The following SPMIP2 variants were observed in gnomAD, a reference collection of about 807,000 sequenced individuals.
SPMIP2 encodes protein SPMIP2.
chr4:158,923,623 A>G, the SPMIP2 span, among the ~76,000 whole-genome samples: 1 of 152,178 alleles, frequency 6.6e-6, no homozygotes, highest in Non-Finnish European at 1.5e-5. Context: ...TAGATTCCTT[A>G]GGATTTTTTA....
chr4:159,025,105 T>C, the SPMIP2 span, among the ~76,000 whole-genome samples: 2 of 152,310 alleles, frequency 1.3e-5, no homozygotes, highest in Admixed American at 6.5e-5. Flanking sequence ...GTTTAGATCC[T>C]TGCTACTCAA....
the SPMIP2 span, among the ~76,000 whole-genome samples, chr4:159,016,621 A>G: frequency 6.6e-6 from 1 of 152,050 alleles, no homozygotes; most frequent in Non-Finnish European, 1.5e-5. Flanking sequence ...TTATTTTTCA[A>G]CCTTTTCTTT....
chr4:158,911,129 T>TG, the SPMIP2 span, among the ~76,000 whole-genome samples: 1 of 152,138 alleles, frequency 6.6e-6, no homozygotes, highest in Non-Finnish European at 1.5e-5. Context: ...GAATATGTGT[T>TG]GCAAAGAATT....
the SPMIP2 span, among the ~76,000 whole-genome samples, chr4:159,042,034 T>G: frequency 6.6e-6 from 1 of 152,266 alleles, no homozygotes; most frequent in Non-Finnish European, 1.5e-5. Flanking sequence ...TTTCAAAATG[T>G]TATTTTTACA....
chr4:159,029,098 A>C, the SPMIP2 span, among the ~76,000 whole-genome samples: 4 of 152,194 alleles, frequency 2.6e-5, no homozygotes, highest in South Asian at 2.1e-4. Context: ...CTGTCTCAAA[A>C]AAACAAACAA....
chr4:159,031,945 G>A, the SPMIP2 span, among the ~76,000 whole-genome samples: 1 of 152,220 alleles, frequency 6.6e-6, no homozygotes, highest in Non-Finnish European at 1.5e-5. Flanking sequence ...ATGGGGGCCG[G>A]TTGTGGTGGC....
the SPMIP2 span, among the ~76,000 whole-genome samples, chr4:159,006,566 A>C: frequency 6.6e-6 from 1 of 152,186 alleles, no homozygotes; most frequent in Non-Finnish European, 1.5e-5. Context: ...CAAGGTTTTC[A>C]TTCAACCTAA....
At chr4:159,047,284 A>C in the SPMIP2 span, among the ~76,000 whole-genome samples, 4 of 152,226 alleles carry the variant, frequency 2.6e-5, no homozygotes, top group African/African-American at 9.6e-5. Flanking sequence ...AAAGTTACTT[A>C]ATCCTAACAG....
chr4:159,029,572 T>C, the SPMIP2 span, among the ~76,000 whole-genome samples: 1 of 152,220 alleles, frequency 6.6e-6, no homozygotes, highest in Non-Finnish European at 1.5e-5. Flanking sequence ...GGAAGTAACT[T>C]ATGCTCTAAC....
the SPMIP2 span, among the ~76,000 whole-genome samples, chr4:158,992,140 G>A: frequency 5.9e-5 from 9 of 152,268 alleles, no homozygotes; most frequent in Admixed American, 2.0e-4. Flanking sequence ...CTCCTGCCTC[G>A]GCCTTCCGAA....
At chr4:159,018,421 C>G in the SPMIP2 span, among the ~76,000 whole-genome samples, 1 of 152,332 alleles carries the variant, frequency 6.6e-6, no homozygotes, top group Admixed American at 6.5e-5. Flanking sequence ...CAGTACGAAC[C>G]TGCCACAGGC....
the SPMIP2 span, among the ~76,000 whole-genome samples, chr4:159,024,434 A>C: frequency 2.6e-5 from 4 of 152,324 alleles, no homozygotes; most frequent in Non-Finnish European, 4.4e-5. Context: ...GCTGTGAATG[A>C]AATTGACTAG....
At chr4:159,038,437 C>T in the SPMIP2 span, among the ~76,000 whole-genome samples, 1 of 152,152 alleles carries the variant, frequency 6.6e-6, no homozygotes, top group Non-Finnish European at 1.5e-5. Context: ...ACATTATATG[C>T]TATGAACTAT....
At chr4:158,985,569 G>GA in the SPMIP2 span, among the ~76,000 whole-genome samples, 17 of 144,782 alleles carry the variant, frequency 1.2e-4, no homozygotes, top group African/African-American at 4.4e-4. Flanking sequence ...AAAGGCCTTT[G>GA]AAAAAATTCA....
the SPMIP2 span, among the ~76,000 whole-genome samples, chr4:158,957,187 G>T: frequency 6.6e-6 from 1 of 151,992 alleles, no homozygotes; most frequent in African/African-American, 2.4e-5. Context: ...AACAAAACAG[G>T]TTAAGATCAG....
the SPMIP2 span, among the ~76,000 whole-genome samples, chr4:159,061,943 G>A: frequency 9.2e-5 from 14 of 152,210 alleles, no homozygotes; most frequent in Admixed American, 2.6e-4. Context: ...GATAGCGTGA[G>A]CACCAGCAGC....
At chr4:159,057,340 G>C in the SPMIP2 span, among the ~76,000 whole-genome samples, 1 of 152,180 alleles carries the variant, frequency 6.6e-6, no homozygotes, top group Non-Finnish European at 1.5e-5. Flanking sequence ...TTGTCTAATA[G>C]TCTGAAATTA....
chr4:158,915,443 T>A, the SPMIP2 span: 51 of 1,208,164 alleles, frequency 4.2e-5, no homozygotes, highest in Middle Eastern at 2.0e-4. Context: ...ATTTGTCTGT[T>A]TTTCTAGTAA....
At chr4:159,022,425 T>A in the SPMIP2 span, among the ~76,000 whole-genome samples, 4 of 152,264 alleles carry the variant, frequency 2.6e-5, no homozygotes, top group African/African-American at 9.6e-5. Context: ...CTACTAAAAT[T>A]AGATCGTAAA....
Sources: gnomAD v4.1 joint callset for allele counts (sites outside exome capture counted in the v4.1 genomes callset) on GRCh38, gnomAD v4.1.1 for gene constraint, MANE v1.5 for transcripts, NCBI Gene and HGNC (gene_info 2026-07-23, HGNC 2026-07-21) for gene names.